The following NID2 variants were observed in gnomAD, a reference collection of about 807,000 sequenced individuals.
NID2 encodes the protein nidogen-2.
Under a neutral mutation model 145.4 loss-of-function variants are expected in NID2, and 83 were observed. The observed-to-expected ratio is 0.57, with a 90% CI of 0.48 to 0.69. The LOEUF (loss-of-function observed/expected upper bound fraction) is 0.69, where lower values mean the gene tolerates loss of function less well. Ranked by LOEUF, NID2 falls within the 30% of genes least tolerant of loss-of-function variation. NID2 has a pLI of 0.00. For synonymous variants in NID2, 739 were observed against 701.3 expected (o/e 1.05, Z -0.85); for missense variants, 1,807 against 1,765.7 (o/e 1.02, Z -0.42).
Position 52,042,248 on chromosome 14 carries a change from T to G in NID2, c.1682A>C (p.Asn561Thr). 6.2e-7 allele frequency: 1 copy of G among 1,614,206 alleles called. No homozygotes were observed. The change falls in exon 7 of 22, where the codon AAT (asparagine) becomes ACT (threonine). Residue 561 changes from asparagine (N) to threonine (T), a missense_variant. Physicochemically the swap from Asn to Thr is moderately conservative, Grantham distance 65 (BLOSUM62 0). Coordinates refer to ENST00000216286, the MANE Select transcript of NID2 (RefSeq NM_007361.4). The stretch of plus-strand genomic sequence containing the variant: ...GATGGCCGTGTAGGCTCTGCCATCA[T>G]TGCCCACGATATACGCATGCAGGTC... ...DVDLHAYIVG[N>T]DGRAYTAISH...
intron 5 of NID2, among the ~76,000 whole-genome samples, chr14:52,046,505 G>C (rs1337719056): frequency 6.6e-6 from 1 of 152,126 alleles, no homozygotes; most frequent in African/African-American, 2.4e-5. Flanking sequence ...ATGAAACAAG[G>C]AGAGAGAAGA....
At chr14:52,048,194 T>C (rs1566129) in intron 5 of NID2, among the ~76,000 whole-genome samples, 85,449 of 152,082 alleles carry the variant, frequency 0.56, 24,384 homozygotes, top group South Asian at 0.62. Flanking sequence ...CCTGAGAAGC[T>C]GAGCTCAGTG....
At chr14:52,063,300 G>T (rs1438893200) in intron 2 of NID2, among the ~76,000 whole-genome samples, 2 of 152,208 alleles carry the variant, frequency 1.3e-5, no homozygotes, top group Admixed American at 6.5e-5. Context: ...GCTCCCCCAG[G>T]ATCCCAGAGA....
chr14:52,010,983 A>G lies in NID2; in HGVS notation c.3615T>C (p.Ser1205=), dbSNP rs1320296864. Residue 1205 remains serine (S), a synonymous_variant, in exon 18 of 22, where the codon AGT becomes AGC. Coordinates refer to ENST00000216286, the MANE Select transcript of NID2 (RefSeq NM_007361.4). ...HIRRTMYWTD[S]VLDKIESALL... is the part of the protein sequence containing the mutation. The stretch of plus-strand genomic sequence containing the variant: ...GGGCGCTCTCTATCTTATCCAGGAC[A>G]CTGTCCGTCCAGTACATTGTTCTGC... 2.5e-6 allele frequency: 4 copies of G among 1,614,182 alleles called. No individual in the cohort carries two copies. The highest frequency in any genetic ancestry group is 3.4e-6 in the Non-Finnish European group (4 of 1,180,040).
At chr14:52,068,572 C>T (rs1438985972) in intron 1 of NID2, among the ~76,000 whole-genome samples, 195 bp downstream of exon 1, 1 of 152,230 alleles carries the variant, frequency 6.6e-6, no homozygotes, top group East Asian at 1.9e-4. Context: ...TTCTTGCTCT[C>T]CCCTCCAGGT....
intron 15 of NID2, 54 bp from the exon 16 acceptor site, chr14:52,014,510 TG>T: frequency 1.2e-5 from 19 of 1,539,536 alleles, no homozygotes; most frequent in Non-Finnish European, 1.7e-5. Context: ...GGCAGGGAGA[TG>T]GGAAGAAAAG....
rs761661829 is a variant in NID2 at position 52,028,701 on chromosome 14, G to GA, written c.2530+20dup. 8.7e-6 allele frequency: 14 copies of GA among 1,608,510 alleles called. No individual in the cohort carries two copies. The South Asian group carries it at 1.5e-4, about 17-fold the overall frequency. On this transcript the variant is annotated intron_variant, in intron 11 of 21. Transcript: ENST00000216286. ...AAAGAGCACCATTTTGGCCACACAG[G>GA]AAAATGATTTTGGAACTCACAGATG...
Position 52,030,560 on chromosome 14 carries a change from GAA to G in NID2, c.2258-872_2258-871del, listed in dbSNP as rs1222355771. On this transcript the variant is annotated intron_variant, in intron 9 of 21. Coordinates refer to ENST00000216286, the MANE Select transcript of NID2 (RefSeq NM_007361.4). ...AGAAAGAAAGAAAGAAAGAAAGAAA[GAA>G]AGAAAGGAAGGAAGGGAAAGAAAGA... 2.3e-4 allele frequency among the ~76,000 whole-genome samples: 12 copies of G among 53,196 alleles called. 1 individual carries two copies. Among genetic ancestry groups the G allele is most frequent in the African/African-American group, 7.0e-4 (11 of 15,620 alleles). The allele number at this position is 53,196 out of a possible 152,430, so 34.9% of individuals were successfully genotyped here. A position where few individuals can be genotyped will look rare whatever the true frequency, so the allele number is the denominator to read the frequency against.
intron 16 of NID2, among the ~76,000 whole-genome samples, chr14:52,013,884 GAGATCAC>G (rs1891118278): frequency 6.6e-6 from 1 of 152,190 alleles, no homozygotes; most frequent in Non-Finnish European, 1.5e-5. Context: ...ACAAACCGCA[GAGATCAC>G]ACCTTGTGAC....
chr14:52,041,954 C>A lies in NID2; in HGVS notation c.1825+151G>T, dbSNP rs924316073. 5 of 936,140 alleles carry A rather than the reference C, an allele frequency of 5.3e-6. No individual in the cohort carries two copies. The African/African-American group carries it at 6.6e-5, about 12-fold the overall frequency. The allele number at this position is 936,140 out of a possible 1,614,324, so 58.0% of individuals were successfully genotyped here. On this transcript the variant is annotated intron_variant, in intron 7 of 21. Coordinates refer to ENST00000216286, the MANE Select transcript of NID2 (RefSeq NM_007361.4). ...TGATGTGAGGTCAAACCATTCCCAA[C>A]AACCTGTGGCCAGAAAACTACACAC...
chr14:52,019,044 C>A lies in NID2; in HGVS notation c.3028+17G>T, dbSNP rs1438847168. 2 of 1,601,040 alleles carry A rather than the reference C, an allele frequency of 1.2e-6. No homozygotes were observed. Among genetic ancestry groups the A allele is most frequent in the African/African-American group, 2.7e-5 (2 of 74,698 alleles). ...ACCAGTGCCATTCTGCTTCTTGAGC[C>A]CCAGGCCTAAGCTCACCTGGTGATG... is the stretch of plus-strand genomic sequence containing the variant. On this transcript the variant is annotated intron_variant, in intron 14 of 21. Coordinates refer to ENST00000216286, the MANE Select transcript of NID2 (RefSeq NM_007361.4).
chr14:52,040,491 A>G (rs1235712077), intron 8 of NID2, among the ~76,000 whole-genome samples, 160 bp downstream of exon 8: 1 of 152,178 alleles, frequency 6.6e-6, no homozygotes, highest in Non-Finnish European at 1.5e-5. Flanking sequence ...CTTACACGAT[A>G]TATTTCATGG....
At chr14:52,035,876 A>G (rs762907173) in intron 9 of NID2, among the ~76,000 whole-genome samples, 1 of 140,764 alleles carries the variant, frequency 7.1e-6, no homozygotes, top group African/African-American at 2.6e-5. Flanking sequence ...ATATATATAT[A>G]TATGTTTTAT....
intron 5 of NID2, among the ~76,000 whole-genome samples, chr14:52,043,904 T>A (rs1034872740): frequency 6.6e-6 from 1 of 151,952 alleles, no homozygotes; most frequent in Non-Finnish European, 1.5e-5. Flanking sequence ...TGCCTCCACA[T>A]CCCCAGGAGG....
chr14:52,031,660 A>G (rs1027340501), intron 9 of NID2, among the ~76,000 whole-genome samples: 1 of 152,192 alleles, frequency 6.6e-6, no homozygotes, highest in African/African-American at 2.4e-5. Context: ...CACCAGCATC[A>G]TGGCATCTGT....
intron 14 of NID2, among the ~76,000 whole-genome samples, chr14:52,018,755 G>A (rs1367629689): frequency 2.0e-5 from 3 of 152,210 alleles, no homozygotes; most frequent in Non-Finnish European, 4.4e-5. Context: ...TCCCTAAGCT[G>A]CTCTATAACA....
intron 3 of NID2, among the ~76,000 whole-genome samples, chr14:52,056,567 G>A (rs1892851087): frequency 6.6e-6 from 1 of 152,084 alleles, no homozygotes; most frequent in African/African-American, 2.4e-5. Flanking sequence ...AAATCAAGGT[G>A]GGCGGATCAC....
At chr14:52,030,572 G>C (rs1221976391) in intron 9 of NID2, among the ~76,000 whole-genome samples, 11,252 of 73,294 alleles carry the variant, frequency 0.15, 1,203 homozygotes, top group Admixed American at 0.21. Flanking sequence ...AAGAAAGGAA[G>C]GAAGGGAAAG....
chr14:52,017,525 C>A lies in NID2; in HGVS notation c.3028+1536G>T, dbSNP rs73284400. Among the ~76,000 whole-genome samples the A allele has an allele frequency of 6.8e-4, 103 of 151,964 alleles. 1 individual carries two copies. In the South Asian group the frequency reaches 0.015, roughly 22 times the overall value. ...ACTTCTCAGTCTCTTGGTTCCCCCCCCTTTAAAATCTTGGTTCCCCCTTTA... is the reference window on the plus strand; with the variant it reads ...ACTTCTCAGTCTCTTGGTTCCCCCCACTTTAAAATCTTGGTTCCCCCTTTA... On this transcript the variant is annotated intron_variant, in intron 14 of 21. Coordinates refer to ENST00000216286, the MANE Select transcript of NID2 (RefSeq NM_007361.4).
Sources: gnomAD v4.1 joint callset for allele counts (sites outside exome capture counted in the v4.1 genomes callset) on GRCh38, gnomAD v4.1.1 for gene constraint, MANE v1.5 for transcripts, NCBI Gene and HGNC (gene_info 2026-07-23, HGNC 2026-07-21) for gene names.